The following DISP1 variants were observed in gnomAD, a reference collection of about 807,000 sequenced individuals.
The protein encoded by DISP1 is protein dispatched homolog 1.
A neutral mutation model predicts 37.3 loss-of-function variants in DISP1; 30 were observed. The ratio of observed to expected loss-of-function variants is 0.80; its 90% CI spans 0.60 to 1.09. The LOEUF (loss-of-function observed/expected upper bound fraction) is 1.09. Ranked by LOEUF, DISP1 falls within the 50% of genes least tolerant of loss-of-function variation. The probability of loss-of-function intolerance (pLI) is 0.00; values close to 1 mark genes in which losing one functional copy is unlikely to be tolerated. For missense variants in DISP1, 1,598 were observed against 1,879.5 expected (o/e 0.85, Z 2.77); for synonymous variants, 634 against 690.2 (o/e 0.92, Z 1.28).
chr1:222,938,377 C>A (rs939226717), intron 2 of DISP1, among the ~76,000 whole-genome samples: 2 of 152,044 alleles, frequency 1.3e-5, no homozygotes, highest in African/African-American at 4.8e-5. Context: ...TCTTATTCTT[C>A]TTTCCTGTTA....
At chr1:222,934,099 T>C (rs1673567853) in intron 2 of DISP1, among the ~76,000 whole-genome samples, 1 of 152,098 alleles carries the variant, frequency 6.6e-6, no homozygotes, top group African/African-American at 2.4e-5. Flanking sequence ...TAGGCTATTT[T>C]TCATGTGGAC....
chr1:222,894,056 G>A (rs1045439160), intron 1 of DISP1, among the ~76,000 whole-genome samples: 3 of 152,152 alleles, frequency 2.0e-5, no homozygotes, highest in African/African-American at 7.2e-5. Flanking sequence ...CCAGCCGGTA[G>A]TCCCCATGTC....
chr1:222,869,597 A>T lies in DISP1; in HGVS notation c.-159+54519A>T, dbSNP rs561423060. ...TGAGGAGCTAGCAAAGCTTGGAGAA[A>T]TCATGAGCATCTGATCTAAAAACTG... On this transcript the variant is annotated intron_variant, in intron 1 of 8. Coordinates refer to ENST00000675850, the MANE Select transcript of DISP1 (RefSeq NM_001377229.1). Among the ~76,000 whole-genome samples, 168 of 152,328 alleles carry T rather than the reference A, an allele frequency of 1.1e-3. 5 individuals are homozygous for T. The South Asian group carries it at 0.033, about 30-fold the overall frequency.
rs188719295 is a variant in DISP1 at position 222,861,631 on chromosome 1, G to A, written c.-159+46553G>A. 3.9e-5 allele frequency among the ~76,000 whole-genome samples: 6 copies of A among 152,076 alleles called. 1 individual carries two copies. The East Asian group carries it at 9.7e-4, about 24-fold the overall frequency. ...CTTTGTTTCAAATTAACACCTAAAG[G>A]CCCTCTACCTCACAAACGTTTTCAC... On this transcript the variant is annotated intron_variant, in intron 1 of 8. Transcript: ENST00000675850.
intron 7 of DISP1, among the ~76,000 whole-genome samples, chr1:222,993,668 T>G (rs1356485445): frequency 2.0e-5 from 3 of 152,210 alleles, no homozygotes; most frequent in Non-Finnish European, 4.4e-5. Flanking sequence ...GAACTCTGGT[T>G]ACTTGCATGT....
At chr1:222,852,298 T>G (rs1668306028) in intron 1 of DISP1, among the ~76,000 whole-genome samples, 1 of 152,190 alleles carries the variant, frequency 6.6e-6, no homozygotes, top group African/African-American at 2.4e-5. Context: ...TAGTATTTTT[T>G]TTTTCTAGTT....
chr1:222,902,722 A>C (rs1671667829), intron 1 of DISP1, among the ~76,000 whole-genome samples: 1 of 152,236 alleles, frequency 6.6e-6, no homozygotes, highest in Non-Finnish European at 1.5e-5. Context: ...ACTGGCCATG[A>C]GAGAAATGTA....
chr1:222,945,275 C>T (rs542342791), intron 3 of DISP1, among the ~76,000 whole-genome samples: 1 of 151,218 alleles, frequency 6.6e-6, no homozygotes, highest in South Asian at 2.2e-4. Context: ...ATAAGAAGTT[C>T]ACCACATTTA....
intron 1 of DISP1, among the ~76,000 whole-genome samples, chr1:222,870,811 A>T (rs1337859991): frequency 6.6e-6 from 1 of 152,032 alleles, no homozygotes; most frequent in Admixed American, 6.5e-5. Flanking sequence ...GCCATTTGTC[A>T]ATTTTGGATT....
intron 1 of DISP1, among the ~76,000 whole-genome samples, chr1:222,903,415 T>C (rs1291275305): frequency 6.6e-6 from 1 of 151,520 alleles, no homozygotes; most frequent in Non-Finnish European, 1.5e-5. Flanking sequence ...AACCTGCACA[T>C]TGTGCACATG....
chr1:222,984,403 CA>C (rs143486728), intron 4 of DISP1, among the ~76,000 whole-genome samples: 2,176 of 29,896 alleles, frequency 0.073, 64 homozygotes, highest in Middle Eastern at 0.15. Flanking sequence ...GACTCTGTCT[CA>C]AAAAAAAAAA....
intron 1 of DISP1, among the ~76,000 whole-genome samples, chr1:222,840,804 C>A (rs759183442): frequency 6.6e-6 from 1 of 151,858 alleles, no homozygotes; most frequent in Non-Finnish European, 1.5e-5. Flanking sequence ...CCTTGTGATC[C>A]GCCCACCTCG....
At position 223,005,850 on chromosome 1, in the gene DISP1, A is replaced by G. The variant is rs771022524; in HGVS notation, c.4453A>G (p.Arg1485Gly). 52 of 1,614,132 alleles carry G rather than the reference A, an allele frequency of 3.2e-5. No homozygotes were observed. Among genetic ancestry groups the G allele is most frequent in the Non-Finnish European group, 4.2e-5 (50 of 1,180,054 alleles). ...SCPNNSQSCGRIVRVKCNSVD... is the reference protein window; with the variant it reads ...SCPNNSQSCGGIVRVKCNSVD... ...CCCAAATAATTCACAAAGTTGTGGC[A>G]GAATTGTGAGAGTGAAGTGCAATTC... Residue 1485 changes from arginine (R) to glycine (G), a missense_variant, in exon 9 of 9, where the codon AGA (arginine) becomes GGA (glycine). Transcript: ENST00000675850.
chr1:222,844,970 G>A lies in DISP1; in HGVS notation c.-159+29892G>A, dbSNP rs539190735. ...TAAAACTTCAAACTCAACATTTAGG[G>A]TTTAGCCAACTGACTTTACTAAAAT... On this transcript the variant is annotated intron_variant, in intron 1 of 8. Coordinates refer to ENST00000675850, the MANE Select transcript of DISP1 (RefSeq NM_001377229.1). Among the ~76,000 whole-genome samples, 22 of 152,130 alleles carry A rather than the reference G, an allele frequency of 1.4e-4. No individual in the cohort carries two copies. The South Asian group carries it at 2.9e-3, about 20-fold the overall frequency.
At chr1:222,942,746 T>G (rs1674473239) in intron 2 of DISP1, 61 bp from the exon 3 acceptor site, 1 of 1,587,516 alleles carries the variant, frequency 6.3e-7, no homozygotes, top group Non-Finnish European at 8.6e-7. Context: ...ATCATACTTG[T>G]CTTTCCTACA....
At chr1:222,892,129 T>A (rs560205641) in intron 1 of DISP1, among the ~76,000 whole-genome samples, 1 of 152,180 alleles carries the variant, frequency 6.6e-6, no homozygotes, top group South Asian at 2.1e-4. Flanking sequence ...TGCTGAAAAA[T>A]TTGGTGGGGA....
intron 3 of DISP1, among the ~76,000 whole-genome samples, chr1:222,956,024 A>G (rs1426849901): frequency 6.6e-6 from 1 of 152,218 alleles, no homozygotes; most frequent in African/African-American, 2.4e-5. Flanking sequence ...CAGGAATGTA[A>G]GCAATTTACT....
chr1:222,995,115 G>T (rs939133137), intron 8 of DISP1, 133 bp downstream of exon 8: 22 of 720,116 alleles, frequency 3.1e-5, no homozygotes, highest in Non-Finnish European at 4.9e-5. Flanking sequence ...GTAAACTCCA[G>T]CAGGCCAGCT....
intron 1 of DISP1, among the ~76,000 whole-genome samples, chr1:222,851,578 G>A (rs911488181): frequency 2.0e-5 from 3 of 152,096 alleles, no homozygotes; most frequent in Non-Finnish European, 4.4e-5. Flanking sequence ...TAGTGGATTT[G>A]CATCATAGTA....
Sources: allele counts gnomAD v4.1 joint callset (sites outside exome capture counted in the v4.1 genomes callset), GRCh38; gene constraint gnomAD v4.1.1; transcripts MANE v1.5; gene names NCBI Gene and HGNC (gene_info 2026-07-23, HGNC 2026-07-21).